The following NCKAP5 variants were observed in gnomAD, a reference collection of about 807,000 sequenced individuals.
NCKAP5 encodes the protein NCK associated protein 5.
A neutral mutation model predicts 167.0 loss-of-function variants in NCKAP5; 92 were observed. The ratio of observed to expected loss-of-function variants is 0.55; its 90% CI spans 0.47 to 0.66. The LOEUF is 0.66. NCKAP5 is among the 30% of genes least tolerant of loss of function. The pLI, the probability that NCKAP5 is intolerant of heterozygous loss-of-function variation, is 0.00. For missense variants in NCKAP5, 2,378 were observed against 2,315.0 expected, an observed-to-expected ratio of 1.03 and a Z score of -0.56; for synonymous variants, 891 against 877.4, an observed-to-expected ratio of 1.02 and a Z score of -0.27.
the NCKAP5 span, among the ~76,000 whole-genome samples, chr2:133,605,752 GA>G: frequency 6.6e-6 from 1 of 152,044 alleles, no homozygotes; most frequent in Non-Finnish European, 1.5e-5. Flanking sequence ...CTTATTCCTT[GA>G]AAAAACCCTA....
chr2:132,693,635 T>C (rs1315586565), intron 19 of NCKAP5, among the ~76,000 whole-genome samples: 1 of 144,432 alleles, frequency 6.9e-6, no homozygotes, highest in Non-Finnish European at 1.5e-5. Context: ...TTTTTTTTTT[T>C]TTTTTTTTGA....
chr2:132,999,114 CTAAATACATAT>C (rs1490753143), intron 6 of NCKAP5, among the ~76,000 whole-genome samples: 1 of 124,930 alleles, frequency 8.0e-6, no homozygotes, highest in Non-Finnish European at 1.9e-5. Flanking sequence ...AGGAAACAAA[CTAAATACATAT>C]ATGCAAACAG....
chr2:133,570,533 G>A (rs1300755877), upstream of NCKAP5, among the ~76,000 whole-genome samples: 1 of 152,098 alleles, frequency 6.6e-6, no homozygotes, highest in African/African-American at 2.4e-5. Context: ...TCTGATCCAA[G>A]GACCCACCCC....
At chr2:133,296,283 T>C (rs939237448) in intron 4 of NCKAP5, among the ~76,000 whole-genome samples, 5 of 152,080 alleles carry the variant, frequency 3.3e-5, no homozygotes, top group African/African-American at 9.7e-5. Flanking sequence ...GAAGACAGCT[T>C]CGACTCCCTA....
chr2:132,913,304 A>G (rs1574608657), intron 8 of NCKAP5, among the ~76,000 whole-genome samples: 1 of 152,242 alleles, frequency 6.6e-6, no homozygotes, highest in Non-Finnish European at 1.5e-5. Flanking sequence ...CACAGATCTG[A>G]CTATCTTTAC....
intron 3 of NCKAP5, among the ~76,000 whole-genome samples, chr2:133,503,017 G>T (rs1050240962): frequency 6.6e-6 from 1 of 152,158 alleles, no homozygotes; most frequent in African/African-American, 2.4e-5. Context: ...ATCTGAGAGT[G>T]GACAGAAACA....
chr2:132,970,382 A>G (rs1011521132), intron 7 of NCKAP5, among the ~76,000 whole-genome samples: 4 of 152,224 alleles, frequency 2.6e-5, no homozygotes, highest in Admixed American at 1.3e-4. Flanking sequence ...AAAATTAGCC[A>G]GGCCCACTCA....
rs557590818 is a variant in NCKAP5, at chr2:132,976,257, G to A, written c.430-12388C>T. ...AGCGGTTGAGGAGATACTGGTCAAG[G>A]GATACAAAATTTCATTCAGATAGGA... is the stretch of plus-strand genomic sequence containing the variant. On this transcript the variant is annotated intron_variant, in intron 7 of 19. Transcript: ENST00000409261. Among the ~76,000 whole-genome samples the A allele has an allele frequency of 9.2e-5, 14 of 152,066 alleles. No individual in the cohort carries two copies. In the East Asian group the frequency reaches 2.5e-3, roughly 27 times the overall value.
intron 8 of NCKAP5, among the ~76,000 whole-genome samples, chr2:132,923,418 G>A (rs1695595702): frequency 6.6e-6 from 1 of 152,164 alleles, no homozygotes; most frequent in South Asian, 2.1e-4. Context: ...TTGCCAAACA[G>A]CCTGCTTGCA....
intron 19 of NCKAP5, among the ~76,000 whole-genome samples, chr2:132,682,081 T>C (rs2105044036): frequency 6.6e-6 from 1 of 152,368 alleles, no homozygotes; most frequent in Middle Eastern, 3.4e-3. Context: ...CAATTCAGAA[T>C]TGGAACAAAT....
intron 3 of NCKAP5, among the ~76,000 whole-genome samples, chr2:133,435,445 C>T (rs1376387886): frequency 6.6e-6 from 1 of 152,116 alleles, no homozygotes; most frequent in Non-Finnish European, 1.5e-5. Flanking sequence ...TGACTAGGCA[C>T]ACAGCTCACG....
At chr2:133,275,325 A>C (rs1290690171) in intron 4 of NCKAP5, among the ~76,000 whole-genome samples, 1 of 152,042 alleles carries the variant, frequency 6.6e-6, no homozygotes, top group African/African-American at 2.4e-5. Flanking sequence ...TATATTTATT[A>C]AGTTGAAGGT....
intron 3 of NCKAP5, among the ~76,000 whole-genome samples, chr2:133,392,054 C>T (rs1310968606): frequency 6.6e-6 from 1 of 152,224 alleles, no homozygotes; most frequent in African/African-American, 2.4e-5. Flanking sequence ...CCCCATCCCA[C>T]ATACACACAC....
intron 5 of NCKAP5, among the ~76,000 whole-genome samples, chr2:133,210,420 T>C (rs1245187850): frequency 6.6e-6 from 1 of 152,072 alleles, no homozygotes; most frequent in Non-Finnish European, 1.5e-5. Context: ...TTACATAATT[T>C]CTTCTATACC....
chr2:132,928,542 T>G (rs1696099723), intron 8 of NCKAP5, among the ~76,000 whole-genome samples: 1 of 152,164 alleles, frequency 6.6e-6, no homozygotes, highest in Admixed American at 6.5e-5. Flanking sequence ...TATTACTTGC[T>G]GAAAAACTCA....
At chr2:133,213,621 A>G in intron 5 of NCKAP5, 95 bp downstream of exon 5, 1 of 1,211,018 alleles carries the variant, frequency 8.3e-7, no homozygotes, top group Non-Finnish European at 1.2e-6. Flanking sequence ...GCTGCAAGCA[A>G]ATATTTTCCT....
At chr2:132,829,044 G>A (rs141119462) in intron 11 of NCKAP5, among the ~76,000 whole-genome samples, 9 of 152,276 alleles carry the variant, frequency 5.9e-5, no homozygotes, top group African/African-American at 1.4e-4. Context: ...AACCAGTAAC[G>A]GGAGAAAGGT....
chr2:133,223,605 T>C (rs1363355291), intron 4 of NCKAP5, among the ~76,000 whole-genome samples: 2 of 152,228 alleles, frequency 1.3e-5, no homozygotes, highest in African/African-American at 4.8e-5. Flanking sequence ...GCAACTCATA[T>C]GAAAGAAATG....
At chr2:132,883,645 T>G (rs1691970887) in intron 8 of NCKAP5, among the ~76,000 whole-genome samples, 1 of 152,216 alleles carries the variant, frequency 6.6e-6, no homozygotes, top group South Asian at 2.1e-4. Flanking sequence ...TCCACCTGTG[T>G]GCAGTGCTGG....
Sources: allele counts gnomAD v4.1 joint callset (sites outside exome capture counted in the v4.1 genomes callset), GRCh38; gene constraint gnomAD v4.1.1; transcripts MANE v1.5; gene names NCBI Gene and HGNC (gene_info 2026-07-23, HGNC 2026-07-21).